The following PSAT1 variants were observed in gnomAD, a reference collection of about 807,000 sequenced individuals.
PSAT1 encodes the protein phosphoserine aminotransferase.
A neutral mutation model predicts 40.3 loss-of-function variants in PSAT1; 41 were observed. That is an observed-to-expected ratio of 1.02 (90% CI 0.79 to 1.32). The LOEUF is 1.32. Among genes scored for constraint, PSAT1 ranks in the 40% most tolerant of loss-of-function variants. The pLI, the probability that PSAT1 is intolerant of heterozygous loss-of-function variation, is 0.00. For missense variants in PSAT1, 406 were observed against 455.8 expected (o/e 0.89, Z 0.99); for synonymous variants, 147 against 170.5 (o/e 0.86, Z 1.07).
At chr9:78,312,338 T>C (rs1828280200) in intron 6 of PSAT1, among the ~76,000 whole-genome samples, 1 of 152,158 alleles carries the variant, frequency 6.6e-6, no homozygotes, top group African/African-American at 2.4e-5. Flanking sequence ...AGCTGCAGTA[T>C]GAGGTGAAGT....
intron 6 of PSAT1, among the ~76,000 whole-genome samples, chr9:78,310,057 G>T (rs1432398026): frequency 6.6e-6 from 1 of 152,198 alleles, no homozygotes; most frequent in Non-Finnish European, 1.5e-5. Context: ...CTGCTATGTT[G>T]TTATTGTTAT....
intron 3 of PSAT1, among the ~76,000 whole-genome samples, chr9:78,302,386 T>C (rs947472162): frequency 6.6e-6 from 1 of 152,142 alleles, no homozygotes. Flanking sequence ...TCTCGAAGTT[T>C]GAGTCTCATA....
At chr9:78,300,230 A>G (rs1828087672) in intron 1 of PSAT1, among the ~76,000 whole-genome samples, 1 of 152,192 alleles carries the variant, frequency 6.6e-6, no homozygotes, top group African/African-American at 2.4e-5. Context: ...AGTTACCTGT[A>G]TAATCTGGGC....
chr9:78,314,759 C>T (rs951768853), intron 6 of PSAT1, among the ~76,000 whole-genome samples: 3 of 152,016 alleles, frequency 2.0e-5, no homozygotes, highest in South Asian at 2.1e-4. Context: ...GTTCAGGCGT[C>T]GGTACTGAGG....
intron 1 of PSAT1, 142 bp from the exon 2 acceptor site, chr9:78,300,460 A>G: frequency 9.5e-7 from 1 of 1,049,976 alleles, no homozygotes; most frequent in Non-Finnish European, 1.3e-6. Context: ...ATGGGAAGGA[A>G]GGAGACTGGC....
chr9:78,318,203 GTCC>G (rs1356446950), intron 7 of PSAT1, among the ~76,000 whole-genome samples: 1 of 152,184 alleles, frequency 6.6e-6, no homozygotes, highest in Non-Finnish European at 1.5e-5. Flanking sequence ...AAATACTCCT[GTCC>G]TCCTCTTCTG....
intron 5 of PSAT1, among the ~76,000 whole-genome samples, chr9:78,307,934 C>T (rs572336633): frequency 6.2e-4 from 95 of 152,082 alleles, no homozygotes; most frequent in African/African-American, 2.2e-3. Context: ...AGCTACTCGG[C>T]AGGCTGAGGC....
Position 78,308,683 on chromosome 9 carries a change from C to T in PSAT1, c.740+100C>T, listed in dbSNP as rs186157596. On this transcript the variant is annotated intron_variant, in intron 6 of 8. Transcript: ENST00000376588. ...AAAATAAAACATGTAAGCCTGGGCG[C>T]GGTGGCTCACACCTGTAATCTTAGC... 3.7e-4 allele frequency: 515 copies of T among 1,395,304 alleles called. 3 individuals are homozygous for T. The African/African-American group carries it at 6.3e-3, about 17-fold the overall frequency. The allele number at this position is 1,395,304 out of a possible 1,614,324, so 86.4% of individuals were successfully genotyped here.
intron 6 of PSAT1, among the ~76,000 whole-genome samples, chr9:78,316,013 G>T (rs552444295): frequency 3.3e-5 from 5 of 152,310 alleles, no homozygotes; most frequent in African/African-American, 9.6e-5. Flanking sequence ...CCAGCTCAAG[G>T]GAGATGGTGT....
At chr9:78,300,531 G>T in intron 1 of PSAT1, 71 bp from the exon 2 acceptor site, 2 of 1,538,566 alleles carry the variant, frequency 1.3e-6, no homozygotes, top group Non-Finnish European at 1.8e-6. Context: ...CCCTCGTCAG[G>T]TTTGTATGTT....
chr9:78,318,468 A>C (rs1259598546), intron 7 of PSAT1, among the ~76,000 whole-genome samples: 1 of 152,220 alleles, frequency 6.6e-6, no homozygotes, highest in African/African-American at 2.4e-5. Flanking sequence ...GGCTCAAAAC[A>C]TCAGAAAACT....
intron 2 of PSAT1, 78 bp from the exon 3 acceptor site, chr9:78,301,876 G>A: frequency 1.7e-6 from 2 of 1,143,432 alleles, no homozygotes; most frequent in Non-Finnish European, 2.6e-6. Flanking sequence ...TTGTTTACTT[G>A]CAAATTTCGT....
intron 6 of PSAT1, among the ~76,000 whole-genome samples, chr9:78,313,036 G>A (rs965841717): frequency 9.2e-5 from 14 of 152,116 alleles, no homozygotes; most frequent in African/African-American, 2.9e-4. Flanking sequence ...GGTGCACAGG[G>A]ACTATTTTGT....
At chr9:78,328,379 A>G (rs1484136170) in intron 8 of PSAT1, among the ~76,000 whole-genome samples, 191 bp downstream of exon 8, 3 of 152,126 alleles carry the variant, frequency 2.0e-5, no homozygotes, top group East Asian at 1.9e-4. Flanking sequence ...TCCCCAGCTG[A>G]GAGTATAATG....
chr9:78,313,394 A>G (rs945717335), intron 6 of PSAT1, among the ~76,000 whole-genome samples: 6 of 152,174 alleles, frequency 3.9e-5, no homozygotes, highest in African/African-American at 1.4e-4. Context: ...AGAAACAAAC[A>G]GTAACATACT....
At chr9:78,321,879 C>T (rs899328111) in intron 7 of PSAT1, among the ~76,000 whole-genome samples, 3 of 152,044 alleles carry the variant, frequency 2.0e-5, no homozygotes, top group Admixed American at 2.0e-4. Context: ...TTAAAATTGT[C>T]AAGAGAATTA....
chr9:78,321,412 C>G (rs1174497149), intron 7 of PSAT1, among the ~76,000 whole-genome samples: 2 of 152,296 alleles, frequency 1.3e-5, no homozygotes, highest in Admixed American at 1.3e-4. Context: ...TTCTTTGGAA[C>G]TATGGAAATA....
chr9:78,303,453 G>C (rs1828137019), intron 3 of PSAT1, among the ~76,000 whole-genome samples: 1 of 152,094 alleles, frequency 6.6e-6, no homozygotes, highest in Admixed American at 6.6e-5. Context: ...CCTCTGACTG[G>C]GGTCCCAGTT....
At chr9:78,314,879 A>G (rs370032972) in intron 6 of PSAT1, among the ~76,000 whole-genome samples, 8 of 152,094 alleles carry the variant, frequency 5.3e-5, no homozygotes, top group African/African-American at 1.7e-4. Context: ...CTGGGCTAAC[A>G]CAGAGCTTCA....
Sources: allele counts gnomAD v4.1 joint callset (sites outside exome capture counted in the v4.1 genomes callset), GRCh38; gene constraint gnomAD v4.1.1; transcripts MANE v1.5; gene names NCBI Gene and HGNC (gene_info 2026-07-23, HGNC 2026-07-21).